CACNB2: variants seen among roughly 807,000 people sequenced by gnomAD.
The protein encoded by CACNB2 is voltage-dependent L-type calcium channel subunit beta-2.
A neutral mutation model predicts 73.3 loss-of-function variants in CACNB2; 42 were observed. The observed-to-expected ratio is 0.57, with a 90% CI of 0.45 to 0.74. CACNB2 has a LOEUF of 0.74. Among genes scored for constraint, CACNB2 ranks in the 30% least tolerant of loss-of-function variants. CACNB2 has a pLI of 0.00. For missense variants in CACNB2, 940 were observed against 853.0 expected, an observed-to-expected ratio of 1.10 and a Z score of -1.27; for synonymous variants, 348 against 310.3, an observed-to-expected ratio of 1.12 and a Z score of -1.28.
At position 18,402,896 on chromosome 10, in the gene CACNB2, C is replaced by A. The variant is rs74117985; in HGVS notation, c.333+853C>A. ...TGCCTTGTTGATCATGCTAGAAATA[C>A]CAGGATAGCATTTCTACTGCCTGCC... On this transcript the variant is annotated intron_variant, in intron 3 of 13. Coordinates refer to ENST00000324631, the MANE Select transcript of CACNB2 (RefSeq NM_201596.3). 7.3e-3 allele frequency among the ~76,000 whole-genome samples: 1,118 copies of A among 152,248 alleles called. 14 individuals carry two copies. Among genetic ancestry groups the A allele is most frequent in the African/African-American group, 0.025 (1,025 of 41,532 alleles).
Position 18,392,858 on chromosome 10 carries a change from T to C in CACNB2, c.214-9066T>C, listed in dbSNP as rs1021933204. Among the ~76,000 whole-genome samples the C allele has an allele frequency of 4.6e-5, 7 of 152,296 alleles. No homozygotes were observed. In the East Asian group the frequency reaches 1.2e-3, roughly 25 times the overall value. ...TTTTCTGCTCCCTGCCTACTTGTTT[T>C]CAATTTCATAACTGATAAGATAGTT... On this transcript the variant is annotated intron_variant, in intron 2 of 13. Coordinates refer to ENST00000324631, the MANE Select transcript of CACNB2 (RefSeq NM_201596.3).
At chr10:18,261,135 A>C in intron 2 of CACNB2, 1 of 1,531,630 alleles carries the variant, frequency 6.5e-7, no homozygotes, top group Non-Finnish European at 8.8e-7. Flanking sequence ...CCTAGGAGGC[A>C]GAAGCTAAGT....
chr10:18,191,752 C>T (rs1336601648), intron 2 of CACNB2, among the ~76,000 whole-genome samples: 1 of 152,208 alleles, frequency 6.6e-6, no homozygotes, highest in Non-Finnish European at 1.5e-5. Flanking sequence ...ATCCAGGTCA[C>T]TGCAAATGCT....
chr10:18,495,684 A>G (rs1331063511), intron 3 of CACNB2, among the ~76,000 whole-genome samples: 1 of 151,532 alleles, frequency 6.6e-6, no homozygotes, highest in Non-Finnish European at 1.5e-5. Flanking sequence ...AAGTGTTGGG[A>G]TTTACAGGCA....
At chr10:18,497,151 G>T (rs2049883808) in intron 3 of CACNB2, among the ~76,000 whole-genome samples, 1 of 148,774 alleles carries the variant, frequency 6.7e-6, no homozygotes, top group African/African-American at 2.5e-5. Flanking sequence ...GGAGGAGGTT[G>T]CAGTGAGCTG....
chr10:18,363,064 C>G (rs565422075), intron 2 of CACNB2, among the ~76,000 whole-genome samples: 2 of 152,174 alleles, frequency 1.3e-5, no homozygotes, highest in Non-Finnish European at 2.9e-5. Context: ...ACCTGTCTCT[C>G]CTCTCTGTCA....
At chr10:18,172,860 A>AT (rs1332911748) in intron 2 of CACNB2, among the ~76,000 whole-genome samples, 1 of 150,178 alleles carries the variant, frequency 6.7e-6, no homozygotes, top group East Asian at 2.0e-4. Context: ...GTCATCACAC[A>AT]TTGGGCAAGT....
At chr10:18,413,720 G>C (rs142910863) in intron 3 of CACNB2, among the ~76,000 whole-genome samples, 15 of 152,346 alleles carry the variant, frequency 9.8e-5, no homozygotes, top group African/African-American at 2.9e-4. Flanking sequence ...TGGAATGGCT[G>C]CCTGACTTTT....
At chr10:18,202,553 A>G (rs1392343744) in intron 2 of CACNB2, among the ~76,000 whole-genome samples, 2 of 152,190 alleles carry the variant, frequency 1.3e-5, no homozygotes, top group Non-Finnish European at 2.9e-5. Flanking sequence ...TAAAGCAAGG[A>G]TAATAATACA....
rs1046418606 is a variant in CACNB2, at chr10:18,140,950, T to C, written c.120+94T>C. On this transcript the variant is annotated intron_variant, in intron 1 of 13. Transcript: ENST00000324631. Reference sequence around the variant, plus strand: ...CCGGCGCCTCCACTGCAGGGATCTCTAGCCTCGCACCTCCTCCCCTCGTCG... The same window carrying C: ...CCGGCGCCTCCACTGCAGGGATCTCCAGCCTCGCACCTCCTCCCCTCGTCG... 292 of 1,527,134 alleles carry C rather than the reference T, an allele frequency of 1.9e-4. 2 individuals carry two copies. In the South Asian group the frequency reaches 2.9e-3, roughly 15 times the overall value. The allele number at this position is 1,527,134 out of a possible 1,614,324, so 94.6% of individuals were successfully genotyped here.
rs1459398254 is a variant in CACNB2, at chr10:18,500,947, A to G, written c.592A>G (p.Ser198Gly). 6.2e-7 allele frequency: 1 copy of G among 1,613,958 alleles called. No individual in the cohort carries two copies. Among genetic ancestry groups the G allele is most frequent in the Non-Finnish European group, 8.5e-7 (1 of 1,179,874 alleles). ...AGCCAAGCAAGGGAAATTCTACTCCAGGTATGAGACAGATGTCAAGTGTTT... is the reference window on the plus strand; with the variant it reads ...AGCCAAGCAAGGGAAATTCTACTCCGGGTATGAGACAGATGTCAAGTGTTT... ...QRAKQGKFYS[S>G]KSGGNSSSSL... Residue 198 changes from serine (S) to glycine (G), a missense_variant and splice_region_variant, in exon 5 of 14, where the codon AGT (serine) becomes GGT (glycine). Coordinates refer to ENST00000324631, the MANE Select transcript of CACNB2 (RefSeq NM_201596.3).
At chr10:18,183,647 A>G (rs1351738721) in intron 2 of CACNB2, among the ~76,000 whole-genome samples, 2 of 152,082 alleles carry the variant, frequency 1.3e-5, no homozygotes, top group African/African-American at 2.4e-5. Context: ...ACCCACCCCC[A>G]TGATTCAGTC....
At position 18,543,509 on chromosome 10, in the gene CACNB2, T is replaced by C. The variant is rs551364982; in HGVS notation, c.*3785T>C. 1.3e-5 allele frequency: 2 copies of C among 152,228 alleles called. No homozygotes were observed. The highest frequency in any genetic ancestry group is 2.4e-5 in the African/African-American group (1 of 41,458). The allele number at this position is 152,228 out of a possible 1,614,324, so 9.4% of individuals were successfully genotyped here. On this transcript the variant is annotated 3_prime_UTR_variant, in exon 14 of 14. Coordinates refer to ENST00000324631, the MANE Select transcript of CACNB2 (RefSeq NM_201596.3). Reference sequence around the variant, plus strand: ...GAACTTAAGTACTTCTTCTGTTTCATAGAAATGTTAATATTAAATGTTAAA... The same window carrying C: ...GAACTTAAGTACTTCTTCTGTTTCACAGAAATGTTAATATTAAATGTTAAA...
intron 3 of CACNB2, among the ~76,000 whole-genome samples, chr10:18,465,399 GGATGTACTT>G (rs1443680807): frequency 6.6e-6 from 1 of 152,184 alleles, no homozygotes; most frequent in African/African-American, 2.4e-5. Context: ...ATCCATGATA[GGATGTACTT>G]GAAGCCATGG....
intron 3 of CACNB2, among the ~76,000 whole-genome samples, chr10:18,413,469 ATC>A (rs2044753256): frequency 6.6e-6 from 1 of 151,736 alleles, no homozygotes; most frequent in African/African-American, 2.4e-5. Flanking sequence ...CTCTTTTTGG[ATC>A]TCTGTCGGTT....
chr10:18,288,850 GC>G (rs1184750730), intron 2 of CACNB2, among the ~76,000 whole-genome samples: 3 of 152,124 alleles, frequency 2.0e-5, no homozygotes, highest in African/African-American at 7.2e-5. Context: ...ATCGAGACCA[GC>G]CTGGTCAACA....
At chr10:18,201,987 T>C (rs2034901349) in intron 2 of CACNB2, among the ~76,000 whole-genome samples, 1 of 152,208 alleles carries the variant, frequency 6.6e-6, no homozygotes, top group South Asian at 2.1e-4. Flanking sequence ...ACAAAATCTT[T>C]CATTATGTAG....
intron 3 of CACNB2, among the ~76,000 whole-genome samples, chr10:18,475,418 G>T (rs28634507): frequency 0.011 from 1,715 of 152,212 alleles, 28 homozygotes; most frequent in African/African-American, 0.039. Flanking sequence ...CCAGCCACCA[G>T]TCATTCATTA....
At chr10:18,440,023 T>C (rs1219001740) in intron 3 of CACNB2, among the ~76,000 whole-genome samples, 1 of 152,236 alleles carries the variant, frequency 6.6e-6, no homozygotes, top group East Asian at 1.9e-4. Context: ...TAGGAATTTA[T>C]TGATCACAGT....
Sources: gnomAD v4.1 joint callset for allele counts (sites outside exome capture counted in the v4.1 genomes callset) on GRCh38, gnomAD v4.1.1 for gene constraint, MANE v1.5 for transcripts, NCBI Gene and HGNC (gene_info 2026-07-23, HGNC 2026-07-21) for gene names.